NAALADL2: variants seen among roughly 807,000 people sequenced by gnomAD.
NAALADL2 encodes the protein N-acetylated alpha-linked acidic dipeptidase like 2, also known as inactive N-acetylated-alpha-linked acidic dipeptidase-like protein 2.
In NAALADL2, 76 loss-of-function variants were observed where a neutral mutation model predicts 87.2. The ratio of observed to expected loss-of-function variants is 0.87; its 90% CI spans 0.72 to 1.05. The LOEUF is 1.05. Among genes scored for constraint, NAALADL2 ranks in the 50% least tolerant of loss-of-function variants. The pLI, the probability that NAALADL2 is intolerant of heterozygous loss-of-function variation, is 0.00. For synonymous variants in NAALADL2, 354 were observed against 331.0 expected, an observed-to-expected ratio of 1.07 and a Z score of -0.75; for missense variants, 1,089 against 945.8, an observed-to-expected ratio of 1.15 and a Z score of -1.99.
intron 5 of NAALADL2, among the ~76,000 whole-genome samples, chr3:175,388,539 C>G (rs1364704929): frequency 2.0e-5 from 3 of 152,058 alleles, no homozygotes; most frequent in Non-Finnish European, 4.4e-5. Context: ...ACACAACCAT[C>G]TAAATAAAAT....
At chr3:175,483,089 T>G (rs2059001) in intron 9 of NAALADL2, among the ~76,000 whole-genome samples, 103,987 of 151,482 alleles carry the variant, frequency 0.69, 37,938 homozygotes, top group East Asian at 0.97. Flanking sequence ...CTACCTAGGG[T>G]GTGATACTAA....
At chr3:174,743,481 T>G (rs1210044377) in intron 3 of NAALADL2, among the ~76,000 whole-genome samples, 1 of 151,810 alleles carries the variant, frequency 6.6e-6, no homozygotes, top group Non-Finnish European at 1.5e-5. Context: ...TTGGCTATAC[T>G]TTTCTGGTAA....
intron 7 of NAALADL2, among the ~76,000 whole-genome samples, chr3:175,465,695 A>G (rs1280087969): frequency 6.6e-6 from 1 of 151,108 alleles, no homozygotes; most frequent in African/African-American, 2.4e-5. Flanking sequence ...CTGGTCTTGA[A>G]CTCCTGACCT....
chr3:175,081,700 A>C (rs527817416), intron 1 of NAALADL2, among the ~76,000 whole-genome samples: 1 of 152,266 alleles, frequency 6.6e-6, no homozygotes, highest in South Asian at 2.1e-4. Flanking sequence ...GTTCTTGTTG[A>C]AGCCCTCTTT....
At chr3:175,454,435 G>A (rs2149245006) in intron 6 of NAALADL2, among the ~76,000 whole-genome samples, 1 of 152,140 alleles carries the variant, frequency 6.6e-6, no homozygotes, top group Non-Finnish European at 1.5e-5. Context: ...GAGGGAGGGG[G>A]AAGTTCAGAA....
intron 5 of NAALADL2, among the ~76,000 whole-genome samples, chr3:175,394,113 G>T (rs1485150380): frequency 1.3e-5 from 2 of 152,048 alleles, no homozygotes; most frequent in African/African-American, 2.4e-5. Flanking sequence ...CTATTCCTGA[G>T]GAAAAAGAAA....
chr3:174,692,603 T>G (rs1010212237), intron 2 of NAALADL2, among the ~76,000 whole-genome samples: 2 of 152,122 alleles, frequency 1.3e-5, no homozygotes, highest in Admixed American at 1.3e-4. Context: ...AGGGCCACTA[T>G]GGATATATTT....
intron 2 of NAALADL2, chr3:174,632,034 G>A (rs972066660): frequency 1.3e-5 from 2 of 152,168 alleles, no homozygotes; most frequent in Non-Finnish European, 2.9e-5. Context: ...TTCTAGACTT[G>A]TTCATAATTT....
chr3:175,503,757 C>A (rs1177873706), intron 9 of NAALADL2, among the ~76,000 whole-genome samples: 1 of 152,092 alleles, frequency 6.6e-6, no homozygotes. Context: ...ATGTCCTTTG[C>A]CCACTTTTTC....
intron 1 of NAALADL2, among the ~76,000 whole-genome samples, chr3:175,021,688 T>C (rs562147633): frequency 6.6e-6 from 1 of 152,216 alleles, no homozygotes; most frequent in South Asian, 2.1e-4. Flanking sequence ...TTTATAACTT[T>C]TTGCTTGTTG....
At chr3:175,133,126 C>T (rs1029986609) in intron 2 of NAALADL2, among the ~76,000 whole-genome samples, 6 of 148,142 alleles carry the variant, frequency 4.1e-5, no homozygotes, top group East Asian at 4.0e-4. Context: ...AGACGATGGG[C>T]GGCCGGGCAG....
At chr3:175,784,983 G>T (rs1400362370) in intron 13 of NAALADL2, among the ~76,000 whole-genome samples, 1 of 149,544 alleles carries the variant, frequency 6.7e-6, no homozygotes, top group Non-Finnish European at 1.5e-5. Context: ...TTCAGGAGCA[G>T]GTTGTCCAGT....
Position 174,699,523 on chromosome 3 carries a change from G to A in NAALADL2, c.-114-38118G>A, listed in dbSNP as rs13322814. Among the ~76,000 whole-genome samples the A allele has an allele frequency of 6.6e-3, 1,001 of 151,780 alleles. 12 individuals are homozygous for A. The highest frequency in any genetic ancestry group is 0.023 in the African/African-American group (947 of 41,400). On this transcript the variant is annotated intron_variant, in intron 2 of 3. Transcript: ENST00000434257. ...AAAAAAAAAAAAATTCTTAGATGGT[G>A]TTTAGCCATACATTTCTAATTTGAC...
At chr3:174,804,728 A>G (rs1272720992) in intron 3 of NAALADL2, among the ~76,000 whole-genome samples, 1 of 152,208 alleles carries the variant, frequency 6.6e-6, no homozygotes, top group Non-Finnish European at 1.5e-5. Context: ...CTGTCAGAAC[A>G]TTTTGAATAA....
intron 9 of NAALADL2, among the ~76,000 whole-genome samples, chr3:175,570,949 G>A (rs1717986583): frequency 6.6e-6 from 1 of 150,506 alleles, no homozygotes; most frequent in Non-Finnish European, 1.5e-5. Flanking sequence ...TATTTTGAAT[G>A]TTACACTTTT....
intron 3 of NAALADL2, among the ~76,000 whole-genome samples, chr3:174,826,250 A>G (rs2109349894): frequency 6.6e-6 from 1 of 152,310 alleles, no homozygotes; most frequent in African/African-American, 2.4e-5. Context: ...GAGAATGTAG[A>G]CTATGTATAT....
intron 9 of NAALADL2, among the ~76,000 whole-genome samples, chr3:175,569,823 TAC>T (rs34518577): frequency 0.51 from 74,537 of 147,258 alleles, 20,135 homozygotes; most frequent in East Asian, 0.72. Flanking sequence ...GACCAACTAA[TAC>T]ACACACACAC....
In NAALADL2 at chr3:175,084,557, T is replaced by C. The variant is rs1374729225; in HGVS notation, c.44-12233T>C. On this transcript the variant is annotated intron_variant, in intron 1 of 13. Coordinates refer to ENST00000454872, the MANE Select transcript of NAALADL2 (RefSeq NM_207015.3). ...AGTCTGCATAAGACACCTCAGCATATAAATGTCTCACTATCAATCTGCTTA... is the reference window on the plus strand; with the variant it reads ...AGTCTGCATAAGACACCTCAGCATACAAATGTCTCACTATCAATCTGCTTA... Among the ~76,000 whole-genome samples the C allele has an allele frequency of 2.6e-5, 4 of 152,326 alleles. No individual in the cohort carries two copies. The East Asian group carries it at 7.7e-4, about 29-fold the overall frequency.
At chr3:175,738,513 C>T (rs1334601285) in intron 12 of NAALADL2, among the ~76,000 whole-genome samples, 1 of 152,186 alleles carries the variant, frequency 6.6e-6, no homozygotes, top group East Asian at 1.9e-4. Flanking sequence ...TCCCGAAGTG[C>T]TGGAATTACA....
Sources: allele counts gnomAD v4.1 joint callset (sites outside exome capture counted in the v4.1 genomes callset), GRCh38; gene constraint gnomAD v4.1.1; transcripts MANE v1.5; gene names NCBI Gene and HGNC (gene_info 2026-07-23, HGNC 2026-07-21).